CCDC192: variants seen among roughly 807,000 people sequenced by gnomAD.
The protein encoded by CCDC192 is coiled-coil domain-containing protein 192.
chr5:127,717,928 C>CAAAAAAAAAAAAAAAAGAAAACAAAAAAA (rs1751719821), intron 2 of CCDC192, among the ~76,000 whole-genome samples: 1 of 98,074 alleles, frequency 1.0e-5, no homozygotes, highest in African/African-American at 3.9e-5. Context: ...TAAAGCTAGA[C>CAAAAAAAAAAAAAAAAGAAAACAAAAAAA]AAAAAAAAAA....
chr5:127,885,301 G>T (rs1481311326), intron 6 of CCDC192, among the ~76,000 whole-genome samples: 1 of 152,150 alleles, frequency 6.6e-6, no homozygotes, highest in Non-Finnish European at 1.5e-5. Context: ...CTGCTAAATA[G>T]CTCAGACTGG....
intron 3 of CCDC192, among the ~76,000 whole-genome samples, chr5:127,790,887 T>G (rs1756830617): frequency 1.3e-5 from 2 of 152,222 alleles, no homozygotes. Context: ...AAACTGCTTG[T>G]TTTTACAGCA....
In CCDC192 at chr5:127,754,350, A is replaced by T. The variant is rs1286288410; in HGVS notation, c.197A>T (p.Glu66Val). 2.5e-6 allele frequency: 1 copy of T among 398,842 alleles called. No individual in the cohort carries two copies. Among genetic ancestry groups the T allele is most frequent in the African/African-American group, 2.1e-5 (1 of 48,618 alleles). The allele number at this position is 398,842 out of a possible 1,614,324, so 24.7% of individuals were successfully genotyped here. The change falls in exon 3 of 7, where the codon GAA (glutamate) becomes GTA (valine). Residue 66 changes from glutamate (E) to valine (V), a missense_variant. Physicochemically the swap from Glu to Val is moderately radical, Grantham distance 121. Coordinates refer to ENST00000514853, the MANE Select transcript of CCDC192 (RefSeq NM_001317938.2). ...SLEICLKEAE[E>V]KAKALSEQLS... ...GAGATTTGCCTGAAAGAAGCAGAAG[A>T]AAAGGCTAAAGCTTTATCTGAACAG...
chr5:127,843,089 C>T (rs1427719497), intron 5 of CCDC192, among the ~76,000 whole-genome samples: 1 of 126,412 alleles, frequency 7.9e-6, no homozygotes, highest in African/African-American at 3.1e-5. Flanking sequence ...GGCTGGAGTG[C>T]AGTGGCACGA....
chr5:127,891,020 A>T (rs1452254617), intron 6 of CCDC192, among the ~76,000 whole-genome samples: 3 of 152,034 alleles, frequency 2.0e-5, no homozygotes. Flanking sequence ...TTCTCTCTTC[A>T]TCCCCTCTAT....
rs116680451 is a variant in CCDC192 at position 127,721,696 on chromosome 5, A to G, written c.114+13936A>G. ...TGCTATAAAGAACTACCTGAGACTG[A>G]GTAATTTATAGATAAAAGAGGTTTG... On this transcript the variant is annotated intron_variant, in intron 2 of 6. Transcript: ENST00000514853. 8.0e-3 allele frequency among the ~76,000 whole-genome samples: 1,218 copies of G among 152,304 alleles called. 19 individuals carry two copies. The highest frequency in any genetic ancestry group is 0.027 in the African/African-American group (1,143 of 41,568).
intron 2 of CCDC192, among the ~76,000 whole-genome samples, chr5:127,750,599 GGGT>G (rs1185801052): frequency 2.0e-5 from 3 of 149,178 alleles, no homozygotes; most frequent in Non-Finnish European, 4.5e-5. Flanking sequence ...TGTTGATTTG[GGGT>G]GGAGAGTTCT....
At chr5:127,774,295 G>T (rs1391891905) in intron 3 of CCDC192, among the ~76,000 whole-genome samples, 6 of 152,100 alleles carry the variant, frequency 3.9e-5, no homozygotes, top group East Asian at 1.9e-4. Context: ...AACATTTTTT[G>T]TGTGTTTTTG....
At chr5:127,841,453 T>G (rs752757258) in intron 5 of CCDC192, among the ~76,000 whole-genome samples, 3 of 152,214 alleles carry the variant, frequency 2.0e-5, no homozygotes, top group Non-Finnish European at 4.4e-5. Context: ...TTTTTTAAAC[T>G]AGCATCTGTG....
chr5:127,791,771 A>G (rs189324657), intron 3 of CCDC192, among the ~76,000 whole-genome samples: 113 of 152,372 alleles, frequency 7.4e-4, no homozygotes, highest in Non-Finnish European at 2.4e-4. Flanking sequence ...ATGAAATTAT[A>G]TACAATGTTA....
chr5:127,926,991 G>A (rs1753880062), intron 6 of CCDC192, among the ~76,000 whole-genome samples: 1 of 152,170 alleles, frequency 6.6e-6, no homozygotes, highest in Admixed American at 6.5e-5. Flanking sequence ...CAGGGCAAAT[G>A]TTTAGAGGTC....
chr5:127,798,516 C>A (rs1757301796), intron 5 of CCDC192, among the ~76,000 whole-genome samples: 1 of 152,030 alleles, frequency 6.6e-6, no homozygotes, highest in South Asian at 2.1e-4. Context: ...AGATAAAGGT[C>A]TAGAGCAGTT....
intron 5 of CCDC192, among the ~76,000 whole-genome samples, 157 bp from the exon 6 acceptor site, chr5:127,875,381 T>A (rs560266715): frequency 6.6e-6 from 1 of 152,312 alleles, no homozygotes; most frequent in East Asian, 1.9e-4. Flanking sequence ...CATACACTGT[T>A]TCACAAACCT....
At chr5:127,870,997 C>T (rs1295137762) in intron 5 of CCDC192, among the ~76,000 whole-genome samples, 1 of 152,252 alleles carries the variant, frequency 6.6e-6, no homozygotes, top group African/African-American at 2.4e-5. Flanking sequence ...CTTTGTTATA[C>T]AGGCTCTCTA....
At chr5:127,841,357 A>T (rs1049454171) in intron 5 of CCDC192, among the ~76,000 whole-genome samples, 1 of 152,180 alleles carries the variant, frequency 6.6e-6, no homozygotes, top group African/African-American at 2.4e-5. Context: ...CAGGGGAAAG[A>T]TTCATCAATG....
At chr5:127,927,849 T>G (rs750716451) in intron 6 of CCDC192, among the ~76,000 whole-genome samples, 1 of 151,544 alleles carries the variant, frequency 6.6e-6, no homozygotes, top group Non-Finnish European at 1.5e-5. Flanking sequence ...TGGTTTTTTT[T>G]CCCTTCTCTA....
intron 3 of CCDC192, among the ~76,000 whole-genome samples, chr5:127,776,818 T>G (rs1330204054): frequency 6.6e-6 from 1 of 152,214 alleles, no homozygotes; most frequent in African/African-American, 2.4e-5. Flanking sequence ...CTCCAAGCCT[T>G]GGCAGCTTCC....
At chr5:127,864,414 G>T (rs1485618722) in intron 5 of CCDC192, among the ~76,000 whole-genome samples, 1 of 152,186 alleles carries the variant, frequency 6.6e-6, no homozygotes, top group African/African-American at 2.4e-5. Context: ...ATGGAAACAG[G>T]CTTAGAGGGC....
rs147112325 is a variant in CCDC192, at chr5:127,786,178, C to T, written c.223-10925C>T. On this transcript the variant is annotated intron_variant, in intron 3 of 6. Coordinates refer to ENST00000514853, the MANE Select transcript of CCDC192 (RefSeq NM_001317938.2). ...GTGTTTTTCAATGAGGACTTTCTCA[C>T]ATTTCCTTGCTAATTCATCTTGTGT... 3.8e-5 allele frequency: 35 copies of T among 918,990 alleles called. No individual in the cohort carries two copies. In the African/African-American group the frequency reaches 5.5e-4, roughly 15 times the overall value. 56.9% of individuals were successfully genotyped at this position (918,990 alleles called of 1,614,324 possible). A position where few individuals can be genotyped will look rare whatever the true frequency, so the allele number is the denominator to read the frequency against.
Sources: allele counts gnomAD v4.1 joint callset (sites outside exome capture counted in the v4.1 genomes callset), GRCh38; gene constraint gnomAD v4.1.1; transcripts MANE v1.5; gene names NCBI Gene and HGNC (gene_info 2026-07-23, HGNC 2026-07-21).